MAF: variants seen among roughly 807,000 people sequenced by gnomAD.
The protein encoded by MAF is MAF bZIP transcription factor.
A neutral mutation model predicts 22.0 loss-of-function variants in MAF; 10 were observed. The observed-to-expected ratio is 0.45, with a 90% CI of 0.28 to 0.77. MAF has a LOEUF of 0.77. Ranked by LOEUF, MAF falls within the 30% of genes least tolerant of loss-of-function variation. The pLI, the probability that MAF is intolerant of heterozygous loss-of-function variation, is 0.12. For synonymous variants in MAF, 337 were observed against 255.8 expected (o/e 1.32, Z -3.03); for missense variants, 544 against 548.4 (o/e 0.99, Z 0.08).
the MAF span, among the ~76,000 whole-genome samples, chr16:79,247,982 CT>C: frequency 2.5e-4 from 37 of 150,752 alleles, no homozygotes; most frequent in African/African-American, 7.2e-4. Context: ...ATACTTCTTA[CT>C]TTACCCACCC....
chr16:79,360,822 G>C, the MAF span, among the ~76,000 whole-genome samples: 2 of 152,152 alleles, frequency 1.3e-5, no homozygotes, highest in Admixed American at 6.5e-5. Context: ...AGCCCACCCA[G>C]CAGGGATGAC....
chr16:79,438,428 C>T, the MAF span, among the ~76,000 whole-genome samples: 2 of 152,256 alleles, frequency 1.3e-5, no homozygotes, highest in East Asian at 3.9e-4. Flanking sequence ...TAAGAGACAG[C>T]GCCCGGCTTC....
At chr16:79,263,357 C>A in the MAF span, among the ~76,000 whole-genome samples, 1 of 152,150 alleles carries the variant, frequency 6.6e-6, no homozygotes, top group African/African-American at 2.4e-5. Context: ...ATTAACATAG[C>A]ACTTTGGAGG....
the MAF span, among the ~76,000 whole-genome samples, chr16:79,289,382 G>A: frequency 3.3e-5 from 5 of 151,982 alleles, no homozygotes; most frequent in African/African-American, 9.7e-5. Context: ...TGGAGTGGCA[G>A]TGGGGAGAAG....
At chr16:79,448,765 A>AC in the MAF span, among the ~76,000 whole-genome samples, 991 of 152,060 alleles carry the variant, frequency 6.5e-3, 17 homozygotes, top group Admixed American at 0.023. Flanking sequence ...TAAAAAAAAA[A>AC]ACACACACAA....
the MAF span, among the ~76,000 whole-genome samples, chr16:79,292,183 G>T: frequency 6.6e-6 from 1 of 152,160 alleles, no homozygotes. Context: ...TGGTAGCTGT[G>T]CATGTGATCT....
chr16:79,247,610 G>A, the MAF span, among the ~76,000 whole-genome samples: 4 of 152,266 alleles, frequency 2.6e-5, no homozygotes, highest in East Asian at 3.9e-4. Flanking sequence ...TTCCCCGCTG[G>A]AAGTAATGGG....
At chr16:79,564,539 G>A in the MAF span, among the ~76,000 whole-genome samples, 1 of 152,170 alleles carries the variant, frequency 6.6e-6, no homozygotes, top group African/African-American at 2.4e-5. Flanking sequence ...GGCACATCCT[G>A]AAGAAGCCGC....
At chr16:79,210,561 C>A in the MAF span, among the ~76,000 whole-genome samples, 1 of 152,174 alleles carries the variant, frequency 6.6e-6, no homozygotes, top group Admixed American at 6.5e-5. Flanking sequence ...TCCTCTCTTG[C>A]AACCCCTCTC....
chr16:79,532,451 G>A, the MAF span, among the ~76,000 whole-genome samples: 24 of 152,320 alleles, frequency 1.6e-4, no homozygotes, highest in East Asian at 3.3e-3. Flanking sequence ...ACATTTCAGT[G>A]CAGTTTATCT....
the MAF span, among the ~76,000 whole-genome samples, chr16:79,257,485 A>G: frequency 0.017 from 2,555 of 152,296 alleles, 59 homozygotes; most frequent in African/African-American, 0.059. Flanking sequence ...AATGTCTACC[A>G]TAAGAGGTTT....
chr16:79,343,631 T>A, the MAF span, among the ~76,000 whole-genome samples: 1 of 152,222 alleles, frequency 6.6e-6, no homozygotes, highest in Non-Finnish European at 1.5e-5. Flanking sequence ...TTGTCGTGAA[T>A]GCAAATTTTG....
the MAF span, among the ~76,000 whole-genome samples, chr16:79,420,249 C>T: frequency 1.1e-4 from 16 of 152,118 alleles, no homozygotes; most frequent in Admixed American, 8.5e-4. Flanking sequence ...TCTTGTATGG[C>T]GAACAAAATG....
At chr16:79,260,904 T>C in the MAF span, among the ~76,000 whole-genome samples, 2 of 151,536 alleles carry the variant, frequency 1.3e-5, no homozygotes, top group East Asian at 1.9e-4. Flanking sequence ...AGGTGGAAAA[T>C]AGCACACCCA....
At chr16:79,217,533 T>A in the MAF span, among the ~76,000 whole-genome samples, 1 of 152,240 alleles carries the variant, frequency 6.6e-6, no homozygotes, top group Non-Finnish European at 1.5e-5. Flanking sequence ...CATTTCTCAA[T>A]AGGCCCTCTC....
the MAF span, among the ~76,000 whole-genome samples, chr16:79,250,718 T>C: frequency 0.01 from 1,575 of 152,236 alleles, 33 homozygotes; most frequent in African/African-American, 0.036. Context: ...GGCCTGCCAA[T>C]TGCATCCACC....
the MAF span, among the ~76,000 whole-genome samples, chr16:79,298,018 T>C: frequency 1.3e-5 from 2 of 152,194 alleles, no homozygotes; most frequent in African/African-American, 4.8e-5. Flanking sequence ...ATTAGCAAGG[T>C]CCAGTGCGGA....
At chr16:79,598,738 C>A (rs1913754607) in intron 1 of MAF, 47 bp downstream of exon 1, 1 of 1,612,498 alleles carries the variant, frequency 6.2e-7, no homozygotes, top group Non-Finnish European at 8.5e-7. Context: ...CGGACCCCCG[C>A]GGAGCACTTA....
chr16:79,272,783 C>A, the MAF span, among the ~76,000 whole-genome samples: 1 of 152,106 alleles, frequency 6.6e-6, no homozygotes, highest in Non-Finnish European at 1.5e-5. Flanking sequence ...AATTCGGTAA[C>A]GAGAGGAGCA....
Sources: allele counts gnomAD v4.1 joint callset (sites outside exome capture counted in the v4.1 genomes callset), GRCh38; gene constraint gnomAD v4.1.1; transcripts MANE v1.5; gene names NCBI Gene and HGNC (gene_info 2026-07-23, HGNC 2026-07-21).